Variants in SMAD2 observed in about 807,000 individuals in gnomAD.
The protein encoded by SMAD2 is SMAD family member 2, also known as MAD homolog 2.
A neutral mutation model predicts 64.4 loss-of-function variants in SMAD2; 8 were observed. The ratio of observed to expected loss-of-function variants is 0.12; its 90% confidence interval spans 0.07 to 0.22. SMAD2 has a LOEUF of 0.22. SMAD2 is among the 10% of genes least tolerant of loss of function. SMAD2 has a pLI of 1.00. For synonymous variants in SMAD2, 203 were observed against 195.8 expected (o/e 1.04, Z -0.31); for missense variants, 289 against 561.2 (o/e 0.51, Z 4.90).
chr18:47,920,558 C>T (rs371772770), intron 1 of SMAD2, among the ~76,000 whole-genome samples: 1 of 152,170 alleles, frequency 6.6e-6, no homozygotes, highest in African/African-American at 2.4e-5. Flanking sequence ...ACAGTGGTTA[C>T]ATTTCTGGAA....
At chr18:47,923,106 T>G (rs1048106937) in intron 1 of SMAD2, among the ~76,000 whole-genome samples, 1 of 151,804 alleles carries the variant, frequency 6.6e-6, no homozygotes, top group African/African-American at 2.4e-5. Flanking sequence ...TAATGAGTTT[T>G]GTGGAATCCA....
intron 2 of SMAD2, among the ~76,000 whole-genome samples, chr18:47,882,656 T>C (rs1158644954): frequency 6.6e-6 from 1 of 152,218 alleles, no homozygotes; most frequent in Admixed American, 6.5e-5. Flanking sequence ...GTGAGCCTCA[T>C]AAAACAACAT....
rs1352023287 is a variant in SMAD2, at chr18:47,848,617, C to T, written c.855G>A (p.Arg285=). The T allele has an allele frequency of 6.2e-7, 1 of 1,613,822 alleles. No individual in the cohort carries two copies. Among genetic ancestry groups the T allele is most frequent in the Non-Finnish European group, 8.5e-7 (1 of 1,179,902 alleles). Reference sequence around the variant, plus strand: ...GTGATGCATGGAAGGTTTCTCCAACCCTCTGATTTAATTCATAATATGCTA... The same window carrying T: ...GTGATGCATGGAAGGTTTCTCCAACTCTCTGATTTAATTCATAATATGCTA... ...CSIAYYELNQ[R]VGETFHASQP... is the part of the protein sequence containing the mutation. Residue 285 remains arginine, a synonymous_variant, in exon 8 of 11, where the codon AGG becomes AGA. Transcript: ENST00000262160.
rs569598282 is a variant in SMAD2 at position 47,810,007 on chromosome 18, A to C, written c.*31820T>G. The C allele has an allele frequency of 1.3e-5, 2 of 152,184 alleles. No individual in the cohort carries two copies. Among genetic ancestry groups the C allele is most frequent in the African/African-American group, 4.8e-5 (2 of 41,448 alleles). 9.4% of individuals were successfully genotyped at this position (152,184 alleles called of 1,614,324 possible). ...AAAGAGGGCTGATATCGTCTGTTAA[A>C]TGCTGTAATTACAGAGTTGAAACAC... is the stretch of plus-strand genomic sequence containing the variant. On this transcript the variant is annotated 3_prime_UTR_variant, in exon 11 of 11. Coordinates refer to ENST00000262160, the MANE Select transcript of SMAD2 (RefSeq NM_005901.6).
chr18:47,888,646 T>C (rs1193688038), intron 2 of SMAD2, among the ~76,000 whole-genome samples: 2 of 152,162 alleles, frequency 1.3e-5, no homozygotes, highest in Non-Finnish European at 2.9e-5. Flanking sequence ...CCCACCCAGC[T>C]CAATCGCTAA....
At chr18:47,903,886 G>GAC (rs1453252187) in intron 1 of SMAD2, among the ~76,000 whole-genome samples, 2 of 132,704 alleles carry the variant, frequency 1.5e-5, no homozygotes, top group Non-Finnish European at 3.3e-5. Flanking sequence ...TGGGGGGGGG[G>GAC]GGGACTCAGA....
At chr18:47,884,871 C>T (rs2032800175) in intron 2 of SMAD2, among the ~76,000 whole-genome samples, 2 of 152,156 alleles carry the variant, frequency 1.3e-5, no homozygotes, top group South Asian at 2.1e-4. Flanking sequence ...CCACCTCCAC[C>T]TCCAAATGCT....
At chr18:47,880,116 T>C (rs1483233820) in intron 2 of SMAD2, among the ~76,000 whole-genome samples, 1 of 152,230 alleles carries the variant, frequency 6.6e-6, no homozygotes, top group Non-Finnish European at 1.5e-5. Flanking sequence ...CTGACTTATT[T>C]TTTAACAATG....
intron 6 of SMAD2, among the ~76,000 whole-genome samples, chr18:47,858,758 GAAA>G (rs1326956654): frequency 3.3e-5 from 5 of 152,018 alleles, no homozygotes; most frequent in African/African-American, 1.2e-4. Context: ...TGCCAACTGA[GAAA>G]ATAATACTAA....
chr18:47,868,301 G>C (rs1379269807), intron 5 of SMAD2, 22 bp downstream of exon 5: 2 of 1,604,088 alleles, frequency 1.2e-6, no homozygotes, highest in Non-Finnish European at 1.7e-6. Flanking sequence ...CAAGTTTTAG[G>C]AGATTCAGAA....
rs551268142 is a variant in SMAD2 at position 47,834,938 on chromosome 18, C to T, written c.*6889G>A. 9.0e-6 allele frequency: 2 copies of T among 223,348 alleles called. No homozygotes were observed. Among genetic ancestry groups the T allele is most frequent in the Non-Finnish European group, 1.8e-5 (2 of 111,840 alleles). 13.8% of individuals were successfully genotyped at this position (223,348 alleles called of 1,614,324 possible). A position where few individuals can be genotyped will look rare whatever the true frequency, so the allele number is the denominator to read the frequency against. The stretch of plus-strand genomic sequence containing the variant: ...ACACAGCCCTCCGATTACAAAGGCC[C>T]AGAATGTTACTTTTAACTGTGCTCC... On this transcript the variant is annotated 3_prime_UTR_variant, in exon 11 of 11. Coordinates refer to ENST00000262160, the MANE Select transcript of SMAD2 (RefSeq NM_005901.6).
chr18:47,823,841 CTG>C lies in SMAD2; in HGVS notation c.*17984_*17985del, dbSNP rs1175470989. Reference sequence around the variant, plus strand: ...TGTATTTCCTTTTTAAACTTTGTATCTGTTATTTGCCAAATTTTCTGCAGAAA... The same window carrying C: ...TGTATTTCCTTTTTAAACTTTGTATCTTATTTGCCAAATTTTCTGCAGAAA... On this transcript the variant is annotated 3_prime_UTR_variant, in exon 11 of 11. Coordinates refer to ENST00000262160, the MANE Select transcript of SMAD2 (RefSeq NM_005901.6). 5 of 152,118 alleles carry C rather than the reference CTG, an allele frequency of 3.3e-5. No homozygotes were observed. The highest frequency in any genetic ancestry group is 1.2e-4 in the African/African-American group (5 of 41,416). The allele number at this position is 152,118 out of a possible 1,614,324, so 9.4% of individuals were successfully genotyped here.
chr18:47,840,559 T>A lies in SMAD2; in HGVS notation c.*1268A>T. On this transcript the variant is annotated 3_prime_UTR_variant, in exon 11 of 11. Coordinates refer to ENST00000262160, the MANE Select transcript of SMAD2 (RefSeq NM_005901.6). ...TTTTAAAATTCTGAATTCATAATTA[T>A]GTGTAGAATAACAATCAATTTATAA... 4.3e-6 allele frequency: 1 copy of A among 232,364 alleles called. No individual in the cohort carries two copies. The highest frequency in any genetic ancestry group is 1.8e-4 in the South Asian group (1 of 5,520). The allele number at this position is 232,364 out of a possible 1,614,324, so 14.4% of individuals were successfully genotyped here.
chr18:47,880,356 T>TA (rs1284054374), intron 2 of SMAD2, among the ~76,000 whole-genome samples: 1 of 152,244 alleles, frequency 6.6e-6, no homozygotes, highest in Non-Finnish European at 1.5e-5. Context: ...TCCACATGGA[T>TA]ATTCAGCTGT....
At chr18:47,848,403 T>A in intron 8 of SMAD2, 72 bp downstream of exon 8, 1 of 1,159,734 alleles carries the variant, frequency 8.6e-7, no homozygotes, top group Non-Finnish European at 1.3e-6. Context: ...GCTCTTGATG[T>A]GGCACACCAT....
At chr18:47,856,637 A>C (rs1278476899) in intron 6 of SMAD2, among the ~76,000 whole-genome samples, 3 of 152,102 alleles carry the variant, frequency 2.0e-5, no homozygotes, top group Non-Finnish European at 4.4e-5. Flanking sequence ...TGTCACCTAA[A>C]ACCAGCCAGA....
Position 47,813,404 on chromosome 18 carries a change from AT to A in SMAD2, c.*28422del, listed in dbSNP as rs35965895. ...AGGTGCCTGCCACCATGCCCAGCTAATTTTTTTTTTTTTTTTTTTTGAGATG... is the reference window on the plus strand; with the variant it reads ...AGGTGCCTGCCACCATGCCCAGCTAATTTTTTTTTTTTTTTTTTTGAGATG... On this transcript the variant is annotated 3_prime_UTR_variant, in exon 11 of 11. Coordinates refer to ENST00000262160, the MANE Select transcript of SMAD2 (RefSeq NM_005901.6). 0.47 allele frequency: 52,964 copies of A among 113,758 alleles called. 11,015 individuals are homozygous for A. Among genetic ancestry groups the A allele is most frequent in the East Asian group, 0.7 (2,431 of 3,492 alleles). The allele number at this position is 113,758 out of a possible 1,614,324, so 7.0% of individuals were successfully genotyped here. A position where few individuals can be genotyped will look rare whatever the true frequency, so the allele number is the denominator to read the frequency against.
rs1264296519 is a variant in SMAD2 at position 47,820,457 on chromosome 18, GGTT to G, written c.*21367_*21369del. 6.6e-6 allele frequency: 1 copy of G among 152,110 alleles called. No individual in the cohort carries two copies. Among genetic ancestry groups the G allele is most frequent in the Non-Finnish European group, 1.5e-5 (1 of 68,010 alleles). The allele number at this position is 152,110 out of a possible 1,614,324, so 9.4% of individuals were successfully genotyped here. A position where few individuals can be genotyped will look rare whatever the true frequency, so the allele number is the denominator to read the frequency against. On this transcript the variant is annotated 3_prime_UTR_variant, in exon 11 of 11. Transcript: ENST00000262160. ...TTGTTTAAATTCAGAGTTTATTAGA[GGTT>G]GTTTCAAATATGGAAACAAGACAGA...
At chr18:47,869,171 C>T (rs2144376778) in intron 4 of SMAD2, 72 bp downstream of exon 4, 1 of 1,117,306 alleles carries the variant, frequency 9.0e-7, no homozygotes, top group South Asian at 1.3e-5. Context: ...TCCTGGGTCA[C>T]AAGAGTACTT....
Sources: allele counts gnomAD v4.1 joint callset (sites outside exome capture counted in the v4.1 genomes callset), GRCh38; gene constraint gnomAD v4.1.1; transcripts MANE v1.5; gene names NCBI Gene and HGNC (gene_info 2026-07-23, HGNC 2026-07-21).